SEMA4G: variants seen among roughly 807,000 people sequenced by gnomAD.
SEMA4G encodes the protein semaphorin-4G.
Under a neutral mutation model 81.2 loss-of-function variants are expected in SEMA4G, and 59 were observed. The observed-to-expected ratio is 0.73, with a 90% CI of 0.59 to 0.90. The LOEUF (loss-of-function observed/expected upper bound fraction) is 0.90. Among genes scored for constraint, SEMA4G ranks in the 40% least tolerant of loss-of-function variants. The pLI is 0.00. For missense variants in SEMA4G, 952 were observed against 1,102.3 expected (o/e 0.86, Z 1.93); for synonymous variants, 404 against 433.9 (o/e 0.93, Z 0.86).
At chr10:100,978,712 G>C in intron 6 of SEMA4G, 72 bp downstream of exon 7, 1 of 1,558,104 alleles carries the variant, frequency 6.4e-7, no homozygotes, top group Non-Finnish European at 8.8e-7. Context: ...TTGGCCAGCT[G>C]ACCACCCCAC....
At chr10:100,983,904 GCCCCACCAC>G (rs1851277127) in exon 14 of SEMA4G, 17 of 299,476 alleles carry the variant, frequency 5.7e-5, no homozygotes, top group Non-Finnish European at 9.3e-5. Context: ...GGGAGCCCCA[GCCCCACCAC>G]CCCCACCGCC....
At chr10:100,981,474 T>C in intron 13 of SEMA4G, 1 of 1,614,176 alleles carries the variant, frequency 6.2e-7, no homozygotes, top group South Asian at 1.1e-5. Flanking sequence ...TATAGCCAAG[T>C]AGTGGATGAC....
intron 3 of SEMA4G, among the ~76,000 whole-genome samples, chr10:100,977,082 G>A (rs929243447): frequency 3.3e-5 from 5 of 152,160 alleles, no homozygotes; most frequent in African/African-American, 7.2e-5. Context: ...AGGTTGAGTC[G>A]TAGGTTGGAT....
chr10:100,981,694 G>A, intron 13 of SEMA4G: 1 of 960,360 alleles, frequency 1.0e-6, no homozygotes. Context: ...TCCCCATGAG[G>A]GACCTCTCTG....
intron 3 of SEMA4G, chr10:100,975,105 A>C (rs577193419): frequency 4.5e-5 from 23 of 514,718 alleles, no homozygotes; most frequent in Non-Finnish European, 8.2e-5. Context: ...GGGGAGGCAG[A>C]TGGAACCAGG....
At chr10:100,983,682 A>T in exon 14 of SEMA4G, 1 of 1,613,476 alleles carries the variant, frequency 6.2e-7, no homozygotes, top group Non-Finnish European at 8.5e-7. Flanking sequence ...CCTCTGCCTC[A>T]TCCTGGCCTC....
At chr10:100,970,098 C>A (rs1041998207), upstream of SEMA4G, among the ~76,000 whole-genome samples, 11 of 152,248 alleles carry the variant, frequency 7.2e-5, no homozygotes, top group African/African-American at 2.6e-4. Flanking sequence ...CCTGCTGATC[C>A]TCCATTGATC....
rs780136613 is a variant in SEMA4G at position 100,973,146 on chromosome 10, C to G, written c.142C>G (p.His48Asp). ...CTCCCCAGAGCTCTCTGGGACCCGG[C>G]ACTTCAAGGGCCAAGCCCAGAACTA... Residue 48 changes from histidine (H) to aspartate (D), a missense_variant, in exon 2 of 14, where the codon CAC (histidine) becomes GAC (aspartate). Physicochemically the swap from His to Asp is moderately conservative, Grantham distance 81. Coordinates refer to ENST00000370250, the Ensembl canonical transcript of SEMA4G. The surrounding 1 kb of genome is among the most constrained non-coding windows in gnomAD (Gnocchi z 5.5). The G allele has an allele frequency of 1.2e-6, 2 of 1,614,064 alleles. No homozygotes were observed. The highest frequency in any genetic ancestry group is 1.7e-6 in the Non-Finnish European group (2 of 1,180,036).
upstream of SEMA4G, among the ~76,000 whole-genome samples, chr10:100,971,398 C>T (rs1850627771): frequency 6.6e-6 from 1 of 152,210 alleles, no homozygotes; most frequent in Non-Finnish European, 1.5e-5. Context: ...GGAGCCTATG[C>T]CCTTTCAGGG....
At chr10:100,980,581 A>G in exon 11 of SEMA4G, 1 of 1,613,170 alleles carries the variant, frequency 6.2e-7, no homozygotes, top group Non-Finnish European at 8.5e-7. Context: ...ATACCAGCTG[A>G]TGGCTGGATC....
chr10:100,985,017 T>C, downstream of SEMA4G: 1 of 1,133,854 alleles, frequency 8.8e-7, no homozygotes, highest in Admixed American at 3.0e-5. Flanking sequence ...TGGACCTGTC[T>C]GTTGGGTTTA....
downstream of SEMA4G, chr10:100,984,949 T>C: frequency 2.1e-6 from 3 of 1,421,106 alleles, no homozygotes; most frequent in Non-Finnish European, 2.8e-6. Flanking sequence ...CACACACCTG[T>C]ATCACACATG....
At chr10:100,976,406 T>G (rs1378637943) in intron 3 of SEMA4G, among the ~76,000 whole-genome samples, 2 of 152,242 alleles carry the variant, frequency 1.3e-5, no homozygotes, top group East Asian at 3.8e-4. Context: ...TTGCCCAGGC[T>G]GGAGTGCAGT....
exon 4 of SEMA4G, chr10:100,977,665 C>T (rs893274055): frequency 1.1e-5 from 18 of 1,613,964 alleles, no homozygotes; most frequent in Admixed American, 8.3e-5. Flanking sequence ...GTTCCTGCAG[C>T]GGCTCAATTC....
chr10:100,979,030 T>C lies in SEMA4G; in HGVS notation c.813+12T>C. 6.2e-7 allele frequency: 1 copy of C among 1,613,704 alleles called. No individual in the cohort carries two copies. The highest frequency in any genetic ancestry group is 8.5e-7 in the Non-Finnish European group (1 of 1,179,670). On this transcript the variant is annotated intron_variant, in intron 7 of 13. Coordinates refer to ENST00000370250, the Ensembl canonical transcript of SEMA4G. ...CTCGTGTCTGCAAGGTGGATTGGGC[T>C]GACGTTGGGGCACGGGTATAGAGGC...
intron 12 of SEMA4G, 51 bp downstream of exon 13, chr10:100,981,048 A>C: frequency 1.3e-6 from 2 of 1,596,862 alleles, no homozygotes; most frequent in East Asian, 4.5e-5. Flanking sequence ...TGGAGGAGGA[A>C]GGCCTGATAG....
chr10:100,976,914 T>A (rs1850815716), intron 3 of SEMA4G, among the ~76,000 whole-genome samples: 1 of 152,196 alleles, frequency 6.6e-6, no homozygotes, highest in South Asian at 2.1e-4. Flanking sequence ...ACTGCAGATG[T>A]CTAAGGAAGA....
chr10:100,980,559 T>C lies in SEMA4G; in HGVS notation c.1352-19T>C. ...AGATCCCATAGTTGGGGTCTAACTC[T>C]CTGCTCTTTCCATACCAGCTGATGG... On this transcript the variant is annotated intron_variant, in intron 10 of 13. Transcript: ENST00000370250. 1 of 1,606,466 alleles carries C rather than the reference T, an allele frequency of 6.2e-7. No homozygotes were observed. The highest frequency in any genetic ancestry group is 8.5e-7 in the Non-Finnish European group (1 of 1,173,068).
intron 13 of SEMA4G, among the ~76,000 whole-genome samples, chr10:100,981,786 A>G (rs1266986339): frequency 6.6e-6 from 1 of 152,212 alleles, no homozygotes; most frequent in African/African-American, 2.4e-5. Context: ...GGCTGAGTAC[A>G]GTGGCTCACG....
Sources: allele counts gnomAD v4.1 joint callset (sites outside exome capture counted in the v4.1 genomes callset), GRCh38; gene constraint gnomAD v4.1.1; non-coding constraint Gnocchi (gnomAD v3.1); transcripts MANE v1.5; gene names NCBI Gene and HGNC (gene_info 2026-07-23, HGNC 2026-07-21).